The following BBS7 variants were observed in gnomAD, a reference collection of about 807,000 sequenced individuals.
BBS7 encodes the protein BBSome complex member BBS7.
A neutral mutation model predicts 90.3 loss-of-function variants in BBS7; 50 were observed. That is an observed-to-expected ratio of 0.55 (90% CI 0.44 to 0.70). BBS7 has a LOEUF of 0.70. BBS7 is among the 30% of genes least tolerant of loss of function. The pLI, the probability that BBS7 is intolerant of heterozygous loss-of-function variation, is 0.00. For synonymous variants in BBS7, 235 were observed against 287.4 expected (o/e 0.82, Z 1.85); for missense variants, 729 against 838.9 (o/e 0.87, Z 1.62).
intron 5 of BBS7, among the ~76,000 whole-genome samples, chr4:121,856,790 G>A (rs2149082540): frequency 6.7e-6 from 1 of 149,534 alleles, no homozygotes; most frequent in East Asian, 2.0e-4. Flanking sequence ...TTTTTTTTGA[G>A]ATGGAATCTT....
intron 3 of BBS7, among the ~76,000 whole-genome samples, chr4:121,862,495 CTCA>C (rs1727036707): frequency 6.6e-6 from 1 of 152,120 alleles, no homozygotes. Flanking sequence ...ACATCTCAGA[CTCA>C]TCATTCTAAG....
intron 15 of BBS7, among the ~76,000 whole-genome samples, chr4:121,829,443 G>A (rs780008266): frequency 3.5e-4 from 53 of 152,222 alleles, no homozygotes; most frequent in East Asian, 1.7e-3. Context: ...TCACCATGTT[G>A]GCCAGGATGG....
At chr4:121,843,741 G>C (rs924943939) in intron 12 of BBS7, among the ~76,000 whole-genome samples, 186 bp downstream of exon 12, 1 of 152,142 alleles carries the variant, frequency 6.6e-6, no homozygotes, top group Non-Finnish European at 1.5e-5. Flanking sequence ...AGAAAAGAAG[G>C]AATCTAGGAC....
intron 11 of BBS7, among the ~76,000 whole-genome samples, chr4:121,844,366 G>A (rs919874311): frequency 6.6e-6 from 1 of 152,042 alleles, no homozygotes; most frequent in East Asian, 1.9e-4. Flanking sequence ...ATTTTTATCA[G>A]TTTTAATTTT....
chr4:121,829,355 C>T (rs1725064063), intron 15 of BBS7, among the ~76,000 whole-genome samples: 1 of 152,048 alleles, frequency 6.6e-6, no homozygotes, highest in South Asian at 2.1e-4. Flanking sequence ...CTGCCTCAGC[C>T]TCCCAAGTAG....
At chr4:121,848,956 A>G (rs768933805) in intron 8 of BBS7, 28 bp from the exon 9 acceptor site, 9 of 1,548,484 alleles carry the variant, frequency 5.8e-6, no homozygotes, top group Non-Finnish European at 8.0e-6. Context: ...CAAGCACTTC[A>G]TTAGTAACTA....
chr4:121,827,873 G>T, intron 18 of BBS7: 2 of 1,095,268 alleles, frequency 1.8e-6, no homozygotes, highest in Non-Finnish European at 2.3e-6. Flanking sequence ...TTTATACCAG[G>T]TTTGTTCATA....
In BBS7 at chr4:121,847,453, C is replaced by T; in HGVS notation, c.988G>A (p.Glu330Lys). Residue 330 changes from glutamate to lysine, a missense_variant, in exon 10 of 19, where the codon GAA becomes AAA. By Grantham distance (56) the Glu-to-Lys change is moderately conservative. Transcript: ENST00000264499. ...ATCTCCTGATTAATTTTTAGTTCTT[C>T]TCCTGGTCCACTTTCCTTATGAATG... is the stretch of plus-strand genomic sequence containing the variant. ...EPIHKESGPGEELKINQEMQN... is the reference protein window; with the variant it reads ...EPIHKESGPGKELKINQEMQN... 1.9e-6 allele frequency: 3 copies of T among 1,613,798 alleles called. No individual in the cohort carries two copies. Among genetic ancestry groups the T allele is most frequent in the South Asian group, 1.1e-5 (1 of 91,080 alleles).
Position 121,870,403 on chromosome 4 carries a change from C to T in BBS7, c.-90G>A. 1 of 1,494,548 alleles carries T rather than the reference C, an allele frequency of 6.7e-7. No individual in the cohort carries two copies. The highest frequency in any genetic ancestry group is 1.1e-5 in the South Asian group (1 of 87,510). The allele number at this position is 1,494,548 out of a possible 1,614,324, so 92.6% of individuals were successfully genotyped here. ...GCAGGCCTCCGACCCAGTCAGAAGG[C>T]TGCCCGCGCCCCTCAAAAGCCAGCC... On this transcript the variant is annotated 5_prime_UTR_variant, in exon 1 of 19. Transcript: ENST00000264499.
At chr4:121,869,848 T>C (rs759550345) in intron 1 of BBS7, among the ~76,000 whole-genome samples, 3 of 152,172 alleles carry the variant, frequency 2.0e-5, no homozygotes, top group Admixed American at 6.5e-5. Context: ...CCGGTTTTCA[T>C]TGCTTTTACC....
intron 4 of BBS7, among the ~76,000 whole-genome samples, chr4:121,859,483 C>T (rs1343177713): frequency 6.6e-6 from 1 of 152,006 alleles, no homozygotes; most frequent in East Asian, 1.9e-4. Flanking sequence ...ATTAATACAT[C>T]AAAAAATGAC....
chr4:121,835,059 CAG>C, intron 14 of BBS7, 83 bp downstream of exon 14: 3 of 1,383,362 alleles, frequency 2.2e-6, no homozygotes, highest in Non-Finnish European at 3.0e-6. Context: ...AAATTGCTAA[CAG>C]AATTTACACT....
At chr4:121,843,597 C>CAGATTTT (rs1392209474) in intron 12 of BBS7, among the ~76,000 whole-genome samples, 2 of 152,164 alleles carry the variant, frequency 1.3e-5, no homozygotes, top group Non-Finnish European at 2.9e-5. Flanking sequence ...TTTCAGATTT[C>CAGATTTT]AGATTTTCAA....
chr4:121,836,735 A>G (rs1426740514), intron 13 of BBS7, among the ~76,000 whole-genome samples: 1 of 152,040 alleles, frequency 6.6e-6, no homozygotes. Flanking sequence ...GCTAATATCT[A>G]TTTTCCTAAG....
intron 4 of BBS7, among the ~76,000 whole-genome samples, chr4:121,860,992 T>C (rs570010570): frequency 2.0e-5 from 3 of 152,326 alleles, no homozygotes; most frequent in African/African-American, 7.2e-5. Flanking sequence ...ATGAATTAGA[T>C]GAATTTTAAA....
At chr4:121,830,713 C>T (rs1478665549) in intron 15 of BBS7, among the ~76,000 whole-genome samples, 1 of 152,158 alleles carries the variant, frequency 6.6e-6, no homozygotes, top group Non-Finnish European at 1.5e-5. Context: ...AGGATTGAAA[C>T]ATTAGTACAT....
In BBS7 at chr4:121,828,243, C is replaced by T. The variant is rs770239209; in HGVS notation, c.1917G>A (p.Thr639=). 1.1e-5 allele frequency: 18 copies of T among 1,613,518 alleles called. No individual in the cohort carries two copies. Among genetic ancestry groups the T allele is most frequent in the Admixed American group, 3.3e-5 (2 of 59,978 alleles). Reference sequence around the variant, plus strand: ...AGTGATATTCTGGTATCAGAAAGTTCGTATTTCCCTCATGAATCTGTAATT... The same window carrying T: ...AGTGATATTCTGGTATCAGAAAGTTTGTATTTCCCTCATGAATCTGTAATT... The part of the protein sequence containing the change: ...LKELQIHEGN[T]NFLIPEYHCI... The change falls in exon 18 of 19, where the codon ACG becomes ACA. Residue 639 remains threonine, a synonymous_variant. Coordinates refer to ENST00000264499, the MANE Select transcript of BBS7 (RefSeq NM_176824.3).
chr4:121,856,115 C>T (rs1016120654), intron 5 of BBS7, among the ~76,000 whole-genome samples: 6 of 152,186 alleles, frequency 3.9e-5, no homozygotes, highest in African/African-American at 1.4e-4. Flanking sequence ...CCTCTGCCCT[C>T]TCTAGGTTAA....
At chr4:121,858,005 C>T (rs919565594) in intron 5 of BBS7, among the ~76,000 whole-genome samples, 2 of 151,956 alleles carry the variant, frequency 1.3e-5, no homozygotes, top group East Asian at 3.9e-4. Flanking sequence ...AGGGTTTCAC[C>T]ATGTTGGCCA....
Sources: allele counts gnomAD v4.1 joint callset (sites outside exome capture counted in the v4.1 genomes callset), GRCh38; gene constraint gnomAD v4.1.1; transcripts MANE v1.5; gene names NCBI Gene and HGNC (gene_info 2026-07-23, HGNC 2026-07-21).